Variants in PDE1C observed in about 807,000 individuals in gnomAD.
PDE1C encodes the protein dual specificity calcium/calmodulin-dependent 3',5'-cyclic nucleotide phosphodiesterase 1C.
A neutral mutation model predicts 93.1 loss-of-function variants in PDE1C; 62 were observed. The observed-to-expected ratio is 0.67, with a 90% confidence interval of 0.54 to 0.82. PDE1C has a LOEUF of 0.82. PDE1C is among the 40% of genes least tolerant of loss of function. The probability of loss-of-function intolerance (pLI) is 0.00; values close to 1 mark genes in which losing one functional copy is unlikely to be tolerated. For synonymous variants in PDE1C, 325 were observed against 310.1 expected (o/e 1.05, Z -0.50); for missense variants, 742 against 884.6 (o/e 0.84, Z 2.04).
chr7:31,617,340 T>A, the PDE1C span, among the ~76,000 whole-genome samples: 1 of 152,200 alleles, frequency 6.6e-6, no homozygotes. Context: ...AAAGAATAAG[T>A]GTTAAATTTT....
At chr7:31,709,022 G>A in the PDE1C span, among the ~76,000 whole-genome samples, 3 of 152,248 alleles carry the variant, frequency 2.0e-5, no homozygotes, top group East Asian at 5.8e-4. Flanking sequence ...GCAATTACAG[G>A]TCTATGGATA....
At chr7:32,401,276 C>T (rs912712519) in intron 1 of PDE1C, among the ~76,000 whole-genome samples, 6 of 152,122 alleles carry the variant, frequency 3.9e-5, no homozygotes, top group South Asian at 2.1e-4. Context: ...CAGTGGCTTA[C>T]ACCTGTAATC....
At chr7:32,179,518 C>A (rs1218172167) in intron 2 of PDE1C, among the ~76,000 whole-genome samples, 1 of 152,112 alleles carries the variant, frequency 6.6e-6, no homozygotes, top group African/African-American at 2.4e-5. Flanking sequence ...CTCGGCCTAC[C>A]AAAGTGCTGG....
At chr7:32,084,192 G>A (rs949507840) in intron 3 of PDE1C, among the ~76,000 whole-genome samples, 3 of 151,822 alleles carry the variant, frequency 2.0e-5, no homozygotes, top group African/African-American at 7.3e-5. Context: ...AAAAGGCAGG[G>A]GTTGCAATCC....
chr7:31,988,076 G>A (rs1783652063), intron 2 of PDE1C, among the ~76,000 whole-genome samples: 1 of 152,184 alleles, frequency 6.6e-6, no homozygotes, highest in Non-Finnish European at 1.5e-5. Flanking sequence ...TCACACTGGG[G>A]CTGACAGTGA....
intron 2 of PDE1C, among the ~76,000 whole-genome samples, chr7:32,195,945 CTG>C (rs1241162073): frequency 6.6e-6 from 1 of 152,128 alleles, no homozygotes; most frequent in East Asian, 1.9e-4. Context: ...TCTACTGACA[CTG>C]TGTATGGAAT....
chr7:32,264,510 A>G (rs995936954), intron 1 of PDE1C, among the ~76,000 whole-genome samples: 3 of 152,174 alleles, frequency 2.0e-5, no homozygotes, highest in African/African-American at 7.2e-5. Context: ...TGCTATTTTC[A>G]TGGCTAGCTT....
intron 6 of PDE1C, among the ~76,000 whole-genome samples, chr7:31,868,893 G>A (rs1795608761): frequency 6.6e-6 from 1 of 150,434 alleles, no homozygotes; most frequent in Non-Finnish European, 1.5e-5. Flanking sequence ...TACAGTCAAA[G>A]TCCTAAAAGA....
At chr7:32,261,990 A>G (rs370293108) in intron 1 of PDE1C, among the ~76,000 whole-genome samples, 9 of 145,476 alleles carry the variant, frequency 6.2e-5, no homozygotes, top group Admixed American at 3.5e-4. Context: ...GGCTCACACC[A>G]GGGGTTGCTT....
the PDE1C span, among the ~76,000 whole-genome samples, chr7:31,633,428 A>G: frequency 3.3e-5 from 5 of 152,186 alleles, no homozygotes; most frequent in Admixed American, 2.6e-4. Flanking sequence ...ATGACCATCT[A>G]TAAGGAGTGT....
intron 2 of PDE1C, among the ~76,000 whole-genome samples, chr7:31,940,596 A>G (rs907613571): frequency 9.2e-5 from 14 of 152,258 alleles, no homozygotes; most frequent in African/African-American, 3.4e-4. Flanking sequence ...ACCTCCCAGA[A>G]CCCATAGGGA....
the PDE1C span, among the ~76,000 whole-genome samples, chr7:31,699,602 C>T: frequency 6.6e-6 from 1 of 151,800 alleles, no homozygotes; most frequent in South Asian, 2.1e-4. Context: ...TACCTCATTC[C>T]ATTTCTCTTC....
chr7:32,233,417 A>C (rs1807847446), intron 1 of PDE1C, among the ~76,000 whole-genome samples: 2 of 152,288 alleles, frequency 1.3e-5, no homozygotes, highest in South Asian at 4.1e-4. Flanking sequence ...AAAATGACCT[A>C]ATTTATGAGG....
intron 9 of PDE1C, chr7:31,847,736 T>C: frequency 2.2e-6 from 1 of 453,360 alleles, no homozygotes; most frequent in Non-Finnish European, 4.0e-6. Flanking sequence ...AACTTAATCA[T>C]AACATTCCAT....
At chr7:32,108,230 C>CAAAAAAAAAAAAAAA (rs71559210) in intron 3 of PDE1C, among the ~76,000 whole-genome samples, 4 of 77,060 alleles carry the variant, frequency 5.2e-5, no homozygotes, top group African/African-American at 5.1e-5. Context: ...AAAAGCAAGA[C>CAAAAAAAAAAAAAAA]AAAAAAAAAA....
rs1554287078 is a variant in PDE1C at position 32,207,370 on chromosome 7, A to AAAC, written c.136+2116_136+2118dup. 1.9e-4 allele frequency among the ~76,000 whole-genome samples: 29 copies of AAAC among 151,636 alleles called. 1 individual carries two copies. Among genetic ancestry groups the AAAC allele is most frequent in the African/African-American group, 6.6e-4 (27 of 40,958 alleles). ...CTTCCAGTCTCAAAAAAAAAAAAAA[A>AAAC]AACTTATCATCCGAATCCTCCCAAT... On this transcript the variant is annotated intron_variant, in intron 2 of 18. Coordinates refer to the PDE1C transcript ENST00000396193.
intron 2 of PDE1C, among the ~76,000 whole-genome samples, chr7:31,991,317 G>A (rs1363868126): frequency 1.3e-5 from 2 of 152,164 alleles, no homozygotes; most frequent in African/African-American, 2.4e-5. Context: ...GTAAAACGAG[G>A]TTAGGCCCTC....
At chr7:31,941,575 G>A (rs926811370) in intron 2 of PDE1C, 3 of 153,224 alleles carry the variant, frequency 2.0e-5, no homozygotes, top group African/African-American at 4.8e-5. Context: ...ATCCAGGAAG[G>A]GGGTACAGAA....
At chr7:32,066,052 G>A (rs1201222034) in intron 1 of PDE1C, among the ~76,000 whole-genome samples, 1 of 152,186 alleles carries the variant, frequency 6.6e-6, no homozygotes, top group Non-Finnish European at 1.5e-5. Context: ...TCTTCTCTAT[G>A]AGGTGGGAAA....
Sources: gnomAD v4.1 joint callset for allele counts (sites outside exome capture counted in the v4.1 genomes callset) on GRCh38, gnomAD v4.1.1 for gene constraint, MANE v1.5 for transcripts, NCBI Gene and HGNC (gene_info 2026-07-23, HGNC 2026-07-21) for gene names.